The following PDE4B variants were observed in gnomAD, a reference collection of about 807,000 sequenced individuals.
PDE4B encodes 3',5'-cyclic-AMP phosphodiesterase 4B.
In PDE4B, 20 loss-of-function variants were observed where a neutral mutation model predicts 82.2. The observed-to-expected ratio is 0.24, with a 90% confidence interval of 0.17 to 0.35. The LOEUF (loss-of-function observed/expected upper bound fraction) is 0.35, where lower values mean the gene tolerates loss of function less well. Ranked by LOEUF, PDE4B falls within the 10% of genes least tolerant of loss-of-function variation. PDE4B has a pLI of 1.00. For synonymous variants in PDE4B, 320 were observed against 318.9 expected, an observed-to-expected ratio of 1.00 and a Z score of -0.04; for missense variants, 655 against 907.2, an observed-to-expected ratio of 0.72 and a Z score of 3.57.
intron 3 of PDE4B, among the ~76,000 whole-genome samples, chr1:65,981,990 C>A (rs897087772): frequency 6.6e-6 from 1 of 152,012 alleles, no homozygotes; most frequent in African/African-American, 2.4e-5. Context: ...GTGGTATTAC[C>A]AAGAAGTACT....
At chr1:66,264,498 G>A (rs2101725697) in intron 6 of PDE4B, among the ~76,000 whole-genome samples, 1 of 152,270 alleles carries the variant, frequency 6.6e-6, no homozygotes, top group Non-Finnish European at 1.5e-5. Context: ...CCCAGTGGAA[G>A]CTAAGAAATA....
At chr1:65,811,690 T>A (rs1645823223) in intron 1 of PDE4B, among the ~76,000 whole-genome samples, 1 of 152,174 alleles carries the variant, frequency 6.6e-6, no homozygotes, top group Non-Finnish European at 1.5e-5. Flanking sequence ...TCATCTAGCA[T>A]AGTACAAGAC....
chr1:66,297,847 G>T (rs934173159), intron 7 of PDE4B, among the ~76,000 whole-genome samples: 3 of 152,076 alleles, frequency 2.0e-5, no homozygotes, highest in Non-Finnish European at 2.9e-5. Context: ...ATTCATCATG[G>T]TGTAGGTAGT....
At chr1:65,818,705 A>ATAT (rs1166597055) in intron 1 of PDE4B, among the ~76,000 whole-genome samples, 74 of 93,714 alleles carry the variant, frequency 7.9e-4, no homozygotes, top group African/African-American at 2.6e-3. Flanking sequence ...TATATATATA[A>ATAT]AATAACAAAA....
At chr1:66,269,620 C>T (rs1305570706) in intron 7 of PDE4B, among the ~76,000 whole-genome samples, 5 of 152,158 alleles carry the variant, frequency 3.3e-5, no homozygotes, top group African/African-American at 9.7e-5. Context: ...TTTCAGGTCC[C>T]AAAACTATTT....
At chr1:66,319,019 A>G (rs1460040831) in intron 7 of PDE4B, among the ~76,000 whole-genome samples, 1 of 152,244 alleles carries the variant, frequency 6.6e-6, no homozygotes, top group Non-Finnish European at 1.5e-5. Context: ...TGCAGAAGAA[A>G]ATCAGTAAAC....
chr1:65,902,286 T>G (rs1341083695), intron 1 of PDE4B, among the ~76,000 whole-genome samples: 1 of 152,154 alleles, frequency 6.6e-6, no homozygotes, highest in Non-Finnish European at 1.5e-5. Context: ...ATATCAGAAA[T>G]GTATGCAACA....
chr1:66,368,191 C>A, intron 15 of PDE4B, 126 bp downstream of exon 15: 1 of 863,020 alleles, frequency 1.2e-6, no homozygotes, highest in African/African-American at 1.7e-5. Flanking sequence ...TAGCTTAGGG[C>A]TTATTTTAAG....
chr1:66,271,950 T>A (rs567647240), intron 7 of PDE4B, among the ~76,000 whole-genome samples: 3 of 152,248 alleles, frequency 2.0e-5, no homozygotes, highest in Middle Eastern at 6.3e-3. Context: ...GGCATGTCGC[T>A]GCATCCCCTC....
chr1:65,834,682 G>A (rs1211318212), intron 1 of PDE4B, among the ~76,000 whole-genome samples: 2 of 152,128 alleles, frequency 1.3e-5, no homozygotes, highest in Non-Finnish European at 2.9e-5. Flanking sequence ...AACTGACAGA[G>A]GCTTATATAT....
chr1:66,306,343 G>T (rs762998761), intron 7 of PDE4B, among the ~76,000 whole-genome samples: 1 of 151,978 alleles, frequency 6.6e-6, no homozygotes, highest in South Asian at 2.1e-4. Flanking sequence ...AATCTGATGC[G>T]GTGTAAAAAC....
intron 3 of PDE4B, among the ~76,000 whole-genome samples, chr1:65,956,323 T>C (rs1237466013): frequency 1.3e-5 from 2 of 152,264 alleles, no homozygotes; most frequent in Non-Finnish European, 2.9e-5. Flanking sequence ...AAACAAAAGG[T>C]GCTGGTTTAG....
At chr1:65,932,743 A>G (rs999277991) in intron 3 of PDE4B, among the ~76,000 whole-genome samples, 7 of 152,130 alleles carry the variant, frequency 4.6e-5, no homozygotes, top group Non-Finnish European at 7.4e-5. Flanking sequence ...AGAGATATAG[A>G]AAGTATAAAA....
chr1:65,918,456 C>T, intron 2 of PDE4B, 141 bp from the exon 3 acceptor site: 1 of 611,222 alleles, frequency 1.6e-6, no homozygotes, highest in South Asian at 2.1e-5. Flanking sequence ...AAGCTTTTGA[C>T]ATCGTTGTTA....
At chr1:66,108,326 A>G (rs894900979) in intron 3 of PDE4B, among the ~76,000 whole-genome samples, 5 of 151,976 alleles carry the variant, frequency 3.3e-5, no homozygotes, top group Admixed American at 1.3e-4. Flanking sequence ...ACTAAAACAT[A>G]AGACCTGAGA....
At chr1:66,101,423 G>A (rs1406963119) in intron 3 of PDE4B, among the ~76,000 whole-genome samples, 1 of 152,150 alleles carries the variant, frequency 6.6e-6, no homozygotes, top group East Asian at 1.9e-4. Flanking sequence ...TTCCACAATG[G>A]TTGAACTAGT....
At chr1:65,963,146 C>T (rs1036051934) in intron 3 of PDE4B, among the ~76,000 whole-genome samples, 1 of 152,174 alleles carries the variant, frequency 6.6e-6, no homozygotes, top group Non-Finnish European at 1.5e-5. Context: ...ATGCATACTG[C>T]CTTACCTAAA....
chr1:66,060,308 A>G (rs528457615), intron 3 of PDE4B, among the ~76,000 whole-genome samples: 120 of 152,332 alleles, frequency 7.9e-4, no homozygotes, highest in African/African-American at 2.6e-3. Flanking sequence ...AATACATAGG[A>G]CCAAAATATC....
At chr1:66,107,660 A>C (rs1645395398) in intron 3 of PDE4B, among the ~76,000 whole-genome samples, 1 of 151,998 alleles carries the variant, frequency 6.6e-6, no homozygotes, top group Non-Finnish European at 1.5e-5. Context: ...GCAAAACACC[A>C]AATTATTTTC....
Sources: gnomAD v4.1 joint callset for allele counts (sites outside exome capture counted in the v4.1 genomes callset) on GRCh38, gnomAD v4.1.1 for gene constraint, MANE v1.5 for transcripts, NCBI Gene and HGNC (gene_info 2026-07-23, HGNC 2026-07-21) for gene names.